Variants in KHDRBS2 observed in about 807,000 individuals in gnomAD.
The protein encoded by KHDRBS2 is KH domain-containing, RNA-binding, signal transduction-associated protein 2.
A neutral mutation model predicts 44.3 loss-of-function variants in KHDRBS2; 26 were observed. The observed-to-expected ratio is 0.59, with a 90% CI of 0.43 to 0.81. The LOEUF is 0.81. Among genes scored for constraint, KHDRBS2 ranks in the 40% least tolerant of loss-of-function variants. The pLI, the probability that KHDRBS2 is intolerant of heterozygous loss-of-function variation, is 0.00. For missense variants in KHDRBS2, 476 were observed against 433.1 expected (o/e 1.10, Z -0.88); for synonymous variants, 194 against 151.1 (o/e 1.28, Z -2.08).
chr6:61,854,502 A>C (rs982287733), intron 6 of KHDRBS2, among the ~76,000 whole-genome samples: 1 of 152,170 alleles, frequency 6.6e-6, no homozygotes, highest in Admixed American at 6.6e-5. Flanking sequence ...CTCTGAAATC[A>C]TTACAAAATG....
At chr6:62,133,445 G>C (rs759609204) in intron 2 of KHDRBS2, among the ~76,000 whole-genome samples, 1 of 152,166 alleles carries the variant, frequency 6.6e-6, no homozygotes, top group Non-Finnish European at 1.5e-5. Context: ...GGCCTCTCCA[G>C]TAAGTGGAAC....
intron 1 of KHDRBS2, among the ~76,000 whole-genome samples, chr6:62,190,025 GGAA>G (rs1165421081): frequency 6.6e-6 from 1 of 152,062 alleles, no homozygotes; most frequent in Non-Finnish European, 1.5e-5. Flanking sequence ...GAGAGAGGAA[GGAA>G]GATCGCCAAG....
chr6:62,267,750 T>C (rs1367914458), intron 1 of KHDRBS2, among the ~76,000 whole-genome samples: 2 of 152,048 alleles, frequency 1.3e-5, no homozygotes, highest in Non-Finnish European at 2.9e-5. Context: ...AACTGACTAG[T>C]ACTGCAAAAA....
intron 6 of KHDRBS2, among the ~76,000 whole-genome samples, chr6:61,809,482 C>G (rs1787758196): frequency 1.3e-5 from 2 of 152,074 alleles, no homozygotes; most frequent in African/African-American, 4.8e-5. Flanking sequence ...GAGCTGTTAT[C>G]AGAACAGGTC....
chr6:61,724,296 C>A (rs1338465593), intron 7 of KHDRBS2, among the ~76,000 whole-genome samples: 1 of 151,994 alleles, frequency 6.6e-6, no homozygotes, highest in African/African-American at 2.4e-5. Context: ...AGGCCTATAT[C>A]ACAAGAGCTT....
intron 1 of KHDRBS2, among the ~76,000 whole-genome samples, chr6:62,242,317 AC>A (rs996878185): frequency 2.0e-5 from 3 of 152,130 alleles, no homozygotes; most frequent in African/African-American, 7.2e-5. Flanking sequence ...ACTTGATGAC[AC>A]CTTTTCTTCC....
chr6:61,604,019 C>A, the KHDRBS2 span, among the ~76,000 whole-genome samples: 4 of 152,178 alleles, frequency 2.6e-5, no homozygotes, highest in Non-Finnish European at 5.9e-5. Context: ...TTGAGGCTAC[C>A]GCTCTGCCCC....
rs148484479 is a variant in KHDRBS2 at position 62,191,933 on chromosome 6, C to G, written c.92-14621G>C. On this transcript the variant is annotated intron_variant, in intron 1 of 8. Transcript: ENST00000281156. ...AATTTAAAAAAACTTTTTTTAACAA[C>G]CTTATTGATCAGTGATTAGAAAGTG... Among the ~76,000 whole-genome samples, 814 of 152,020 alleles carry G rather than the reference C, an allele frequency of 5.4e-3. 5 individuals carry two copies. The highest frequency in any genetic ancestry group is 7.0e-3 in the Non-Finnish European group (474 of 67,946).
chr6:62,190,667 A>G (rs552501933), intron 1 of KHDRBS2, among the ~76,000 whole-genome samples: 1 of 152,250 alleles, frequency 6.6e-6, no homozygotes, highest in South Asian at 2.1e-4. Context: ...TAAAATTTTT[A>G]ATACAAATAA....
chr6:62,237,181 G>A (rs569709685), intron 1 of KHDRBS2, among the ~76,000 whole-genome samples: 2 of 152,216 alleles, frequency 1.3e-5, no homozygotes, highest in South Asian at 2.1e-4. Flanking sequence ...TTTAAAGAAC[G>A]TGTTAAGAAG....
intron 2 of KHDRBS2, among the ~76,000 whole-genome samples, chr6:62,072,378 C>A (rs1070144): frequency 2.0e-5 from 3 of 151,898 alleles, no homozygotes; most frequent in South Asian, 4.1e-4. Flanking sequence ...TCCAACACTA[C>A]GTTGAATAGG....
chr6:61,775,449 G>A (rs1781790716), intron 6 of KHDRBS2, among the ~76,000 whole-genome samples: 1 of 152,080 alleles, frequency 6.6e-6, no homozygotes, highest in Non-Finnish European at 1.5e-5. Flanking sequence ...AAAGTCTCAG[G>A]ATACAAAAAT....
rs1252511395 is a variant in KHDRBS2 at position 62,045,959 on chromosome 6, AAAG to A, written c.336+1916_336+1918del. On this transcript the variant is annotated intron_variant, in intron 3 of 8. Coordinates refer to ENST00000281156, the MANE Select transcript of KHDRBS2 (RefSeq NM_152688.4). ...AGCAAGCAAGTGGAACAAAAAAAAA[AAAG>A]AAAGAAAAAGAAAGAAAAAAAGGCC... Among the ~76,000 whole-genome samples, 1,193 of 150,436 alleles carry A rather than the reference AAAG, an allele frequency of 7.9e-3. 16 individuals are homozygous for A. Among genetic ancestry groups the A allele is most frequent in the African/African-American group, 0.028 (1,153 of 41,234 alleles).
chr6:62,225,357 T>C (rs776883440), intron 1 of KHDRBS2, among the ~76,000 whole-genome samples: 6 of 152,120 alleles, frequency 3.9e-5, no homozygotes, highest in Non-Finnish European at 8.8e-5. Context: ...GGTATAAAAT[T>C]GGGATATACT....
At chr6:61,929,658 AC>A (rs994640531) in intron 4 of KHDRBS2, among the ~76,000 whole-genome samples, 3 of 152,128 alleles carry the variant, frequency 2.0e-5, no homozygotes, top group African/African-American at 7.2e-5. Flanking sequence ...GTTTAGTATG[AC>A]CCTCTGATGT....
At chr6:61,694,254 T>C (rs192439849) in intron 8 of KHDRBS2, among the ~76,000 whole-genome samples, 2 of 152,310 alleles carry the variant, frequency 1.3e-5, no homozygotes, top group African/African-American at 4.8e-5. Context: ...CTTACATGTG[T>C]TAGCCATTAA....
intron 6 of KHDRBS2, among the ~76,000 whole-genome samples, chr6:61,762,164 T>C (rs1330892117): frequency 6.6e-6 from 1 of 152,150 alleles, no homozygotes; most frequent in East Asian, 1.9e-4. Context: ...GAGAATAAAA[T>C]AAATTGAGAA....
At chr6:62,165,380 T>A (rs1277155880) in intron 2 of KHDRBS2, among the ~76,000 whole-genome samples, 1 of 150,872 alleles carries the variant, frequency 6.6e-6, no homozygotes, top group Non-Finnish European at 1.5e-5. Flanking sequence ...TTACTGGTTA[T>A]CTCTCTAACA....
intron 2 of KHDRBS2, among the ~76,000 whole-genome samples, chr6:62,106,092 G>A (rs1803201300): frequency 6.6e-6 from 1 of 152,190 alleles, no homozygotes; most frequent in Non-Finnish European, 1.5e-5. Context: ...GCAGTTTTGA[G>A]TGAGTTTCTT....
Sources: gnomAD v4.1 joint callset for allele counts (sites outside exome capture counted in the v4.1 genomes callset) on GRCh38, gnomAD v4.1.1 for gene constraint, MANE v1.5 for transcripts, NCBI Gene and HGNC (gene_info 2026-07-23, HGNC 2026-07-21) for gene names.